ADAMTSL2: variants seen among roughly 807,000 people sequenced by gnomAD.
The protein encoded by ADAMTSL2 is ADAMTS-like protein 2.
A neutral mutation model predicts 117.0 loss-of-function variants in ADAMTSL2; 55 were observed. That is an observed-to-expected ratio of 0.47 (90% confidence interval 0.38 to 0.59). The LOEUF is 0.59. ADAMTSL2 is among the 20% of genes least tolerant of loss of function. The pLI is 0.00. For synonymous variants in ADAMTSL2, 572 were observed against 566.4 expected (o/e 1.01, Z -0.14); for missense variants, 1,182 against 1,354.5 (o/e 0.87, Z 2.00).
intron 4 of ADAMTSL2, among the ~76,000 whole-genome samples, chr9:133,538,676 C>T (rs1021182001): frequency 2.6e-5 from 4 of 152,110 alleles, no homozygotes; most frequent in Admixed American, 6.5e-5. Flanking sequence ...TCACTCTGCT[C>T]CTGGAACTTC....
chr9:133,533,163 C>CTGTGTGTGTGTGTG (rs71378583), upstream of ADAMTSL2, among the ~76,000 whole-genome samples: 1 of 148,060 alleles, frequency 6.8e-6, no homozygotes, highest in Non-Finnish European at 1.5e-5. Context: ...GTGTGTGTGC[C>CTGTGTGTGTGTGTG]TGTGTGTGTG....
chr9:133,560,265 A>G (rs1009636), intron 11 of ADAMTSL2, among the ~76,000 whole-genome samples: 51,470 of 152,064 alleles, frequency 0.34, 9,020 homozygotes, highest in Middle Eastern at 0.47. Flanking sequence ...GAGTTGGGCA[A>G]TGCCACCTGC....
chr9:133,533,130 C>T (rs1208717156), upstream of ADAMTSL2, among the ~76,000 whole-genome samples: 3 of 151,172 alleles, frequency 2.0e-5, no homozygotes, highest in African/African-American at 4.9e-5. Context: ...GAGTGTAATC[C>T]GGTCATGTGA....
intron 12 of ADAMTSL2, among the ~76,000 whole-genome samples, chr9:133,563,371 G>A (rs1830793057): frequency 1.3e-5 from 2 of 152,204 alleles, no homozygotes; most frequent in South Asian, 2.1e-4. Context: ...AGTCCTTTGC[G>A]GACCTGCCCT....
chr9:133,573,088 C>G (rs1831148856), intron 17 of ADAMTSL2, among the ~76,000 whole-genome samples: 1 of 152,240 alleles, frequency 6.6e-6, no homozygotes, highest in African/African-American at 2.4e-5. Context: ...CCTTTGCAAA[C>G]AGAAGTGGAG....
At chr9:133,569,937 C>T (rs1236721745) in intron 16 of ADAMTSL2, among the ~76,000 whole-genome samples, 6 of 152,182 alleles carry the variant, frequency 3.9e-5, no homozygotes, top group Admixed American at 6.5e-5. Context: ...GTGTGTCTTC[C>T]GCACCCACCT....
Position 133,568,281 on chromosome 9 carries a change from C to T in ADAMTSL2, c.1883C>T (p.Thr628Met), listed in dbSNP as rs1209679413. ...ATCCGCTCCCGGGGCAGGTGGGAGA[C>T]GAGCAGCTGGAGCGAGTGTTCGCGC... ...AGRECQPRWE[T>M]SSWSECSRTC... The change falls in exon 14 of 19, where the codon ACG (threonine) becomes ATG (methionine). Residue 628 changes from threonine (T) to methionine (M), a missense_variant. Transcript: ENST00000651351. 1.2e-5 allele frequency: 19 copies of T among 1,565,788 alleles called. No individual in the cohort carries two copies. The highest frequency in any genetic ancestry group is 1.6e-5 in the Non-Finnish European group (19 of 1,156,854).
Position 133,538,490 on chromosome 9 carries a change from G to T in ADAMTSL2, c.309+66G>T, listed in dbSNP as rs1021556548. 8.3e-6 allele frequency: 13 copies of T among 1,572,312 alleles called. No homozygotes were observed. The Admixed American group carries it at 1.7e-4, about 20-fold the overall frequency. On this transcript the variant is annotated intron_variant, in intron 4 of 18. Transcript: ENST00000651351. ...CCTGTCATCATGCAGTTTTCAGGGGGTCTTCCAGGTGGCTCCTGGGCATTC... is the reference window on the plus strand; with the variant it reads ...CCTGTCATCATGCAGTTTTCAGGGGTTCTTCCAGGTGGCTCCTGGGCATTC...
intron 10 of ADAMTSL2, 62 bp from the exon 11 acceptor site, chr9:133,555,496 G>A: frequency 1.2e-6 from 2 of 1,609,478 alleles, no homozygotes; most frequent in Non-Finnish European, 1.7e-6. Context: ...CCCCTCCCCA[G>A]GGCAGCCCTT....
At chr9:133,555,525 T>C in intron 10 of ADAMTSL2, 33 bp from the exon 11 acceptor site, 2 of 1,612,796 alleles carry the variant, frequency 1.2e-6, no homozygotes, top group Non-Finnish European at 1.7e-6. Flanking sequence ...GGCTCGGATG[T>C]GCCCACGGTT....
In ADAMTSL2 at chr9:133,568,241, G is replaced by A; in HGVS notation, c.1875-32G>A. On this transcript the variant is annotated intron_variant, in intron 13 of 18. Coordinates refer to ENST00000651351, the MANE Select transcript of ADAMTSL2 (RefSeq NM_014694.4). ...CATGGGGTCCCGGCTGCCATGGGGG[G>A]GATCATTGAAGGCCATCCGCTCCCG... The A allele has an allele frequency of 4.5e-6, 7 of 1,544,310 alleles. No individual in the cohort carries two copies. The South Asian group carries it at 4.7e-5, about 10-fold the overall frequency.
rs538276028 is a variant in ADAMTSL2 at position 133,554,459 on chromosome 9, G to C, written c.1042G>C (p.Glu348Gln). 38 of 1,555,482 alleles carry C rather than the reference G, an allele frequency of 2.4e-5. No individual in the cohort carries two copies. The highest frequency in any genetic ancestry group is 2.9e-5 in the Non-Finnish European group (33 of 1,150,082). The change falls in exon 10 of 19, where the codon GAG becomes CAG. Residue 348 changes from glutamate (E) to glutamine (Q), a missense_variant. Around this residue, in one of 3 missense-constraint regions of ADAMTSL2, gnomAD observed 345 missense variants for 325.8 expected, o/e 1.06. Transcript: ENST00000651351. This position sits in a 1 kb window ranked among gnomAD's most constrained non-coding sequence, Gnocchi z 5.2. ...RPQPIYYGFSESAESQGLDGA... is the reference protein window; with the variant it reads ...RPQPIYYGFSQSAESQGLDGA... ...CCAGCCCATCTACTATGGCTTCTCCGAGAGCGCTGAGAGCCAGGGCCTGGA... is the reference window on the plus strand; with the variant it reads ...CCAGCCCATCTACTATGGCTTCTCCCAGAGCGCTGAGAGCCAGGGCCTGGA...
At chr9:133,546,957 GT>G in intron 8 of ADAMTSL2, 80 bp from the exon 9 acceptor site, 1 of 1,428,950 alleles carries the variant, frequency 7.0e-7, no homozygotes, top group Non-Finnish European at 9.9e-7. Context: ...GGCAGGGCTG[GT>G]GGTGGTTCCC....
intron 1 of ADAMTSL2, among the ~76,000 whole-genome samples, chr9:133,535,843 C>T (rs908856372): frequency 6.6e-6 from 1 of 151,750 alleles, no homozygotes; most frequent in Non-Finnish European, 1.5e-5. Flanking sequence ...GCAGGGTCGA[C>T]GCTGAGGAGG....
chr9:133,542,559 G>A (rs765813734), intron 7 of ADAMTSL2, among the ~76,000 whole-genome samples: 2 of 152,194 alleles, frequency 1.3e-5, no homozygotes, highest in Non-Finnish European at 2.9e-5. Flanking sequence ...TGCAAACAGC[G>A]CCCCTCATTC....
At chr9:133,543,959 G>C (rs770277189) in intron 7 of ADAMTSL2, among the ~76,000 whole-genome samples, 9 of 152,264 alleles carry the variant, frequency 5.9e-5, no homozygotes, top group African/African-American at 2.2e-4. Flanking sequence ...CTGGGGCCTG[G>C]TGCTTAGGAA....
Position 133,573,879 on chromosome 9 carries a change from G to C in ADAMTSL2, c.2629G>C (p.Asp877His). Reference sequence around the variant, plus strand: ...CTGCGGGGTGGGCGTGAGGATGCGAGACGTCAAGTGCTACCAGGGGACCGA... The same window carrying C: ...CTGCGGGGTGGGCGTGAGGATGCGACACGTCAAGTGCTACCAGGGGACCGA... ...KTCGVGVRMR[D>H]VKCYQGTDIV... The change falls in exon 18 of 19, where the codon GAC becomes CAC. Residue 877 changes from aspartate (D) to histidine (H), a missense_variant. Around this residue, in one of 3 missense-constraint regions of ADAMTSL2, gnomAD observed 465 missense variants for 565.3 expected, o/e 0.82. Transcript: ENST00000651351. 1 of 1,614,132 alleles carries C rather than the reference G, an allele frequency of 6.2e-7. No homozygotes were observed. Among genetic ancestry groups the C allele is most frequent in the Non-Finnish European group, 8.5e-7 (1 of 1,180,026 alleles).
intron 17 of ADAMTSL2, among the ~76,000 whole-genome samples, chr9:133,571,450 ACTGGGTGCCCC>A (rs2131187056): frequency 6.6e-6 from 1 of 152,208 alleles, no homozygotes; most frequent in South Asian, 2.1e-4. Context: ...GGGGTGGCAA[ACTGGGTGCCCC>A]CTCGCCCCCA....
intron 4 of ADAMTSL2, 86 bp from the exon 5 acceptor site, chr9:133,539,685 T>TGTCCCGGCTGTCCCGGCC: frequency 7.4e-7 from 1 of 1,344,016 alleles, no homozygotes; most frequent in Middle Eastern, 1.8e-4. Context: ...CTGTCCCGGC[T>TGTCCCGGCTGTCCCGGCC]GCAGCCACTT....
Sources: allele counts gnomAD v4.1 joint callset (sites outside exome capture counted in the v4.1 genomes callset), GRCh38; gene constraint gnomAD v4.1.1; regional missense constraint gnomAD v4.1.1; non-coding constraint Gnocchi (gnomAD v3.1); transcripts MANE v1.5; gene names NCBI Gene and HGNC (gene_info 2026-07-23, HGNC 2026-07-21).